TIAM2: variants seen among roughly 807,000 people sequenced by gnomAD.
TIAM2 encodes the protein TIAM Rac1 associated GEF 2.
Under a neutral mutation model 152.9 loss-of-function variants are expected in TIAM2, and 80 were observed. The observed-to-expected ratio is 0.52, with a 90% CI of 0.44 to 0.63. The LOEUF (loss-of-function observed/expected upper bound fraction) is 0.63. TIAM2 is among the 30% of genes least tolerant of loss of function. The pLI is 0.00. For missense variants in TIAM2, 1,965 were observed against 2,120.1 expected (o/e 0.93, Z 1.44); for synonymous variants, 804 against 838.0 (o/e 0.96, Z 0.70).
intron 2 of TIAM2, among the ~76,000 whole-genome samples, chr6:155,115,744 A>G (rs188646220): frequency 7.2e-5 from 11 of 152,260 alleles, no homozygotes; most frequent in African/African-American, 2.2e-4. Flanking sequence ...CTGGAGGCTG[A>G]AGTTATTTTC....
At position 155,248,004 on chromosome 6, in the gene TIAM2, A is replaced by C. The variant is rs1783433150; in HGVS notation, c.3657A>C (p.Lys1219Asn). The change falls in exon 20 of 27, where the codon AAA becomes AAC. Residue 1219 changes from lysine (K) to asparagine (N), a missense_variant. Around this residue, in one of 3 missense-constraint regions of TIAM2, gnomAD observed 935 missense variants for 980.0 expected, o/e 0.95. Coordinates refer to ENST00000682666, the MANE Select transcript of TIAM2 (RefSeq NM_012454.4). ...IKVQKVLERA[K>N]TDKAFKAFLD... ...CTTTTATCCATCTGCTTGTAGCTAA[A>C]ACTGACAAAGCCTTCAAGGCTTTTC... 1 of 1,613,790 alleles carries C rather than the reference A, an allele frequency of 6.2e-7. No homozygotes were observed. Among genetic ancestry groups the C allele is most frequent in the Admixed American group, 1.7e-5 (1 of 59,970 alleles).
rs1554228916 is a variant in TIAM2, at chr6:155,082,666, C to CAATGAATAAATAAATA, written c.-208-7620_-208-7619insGAATAAATAAATAAAT. ...ACTCCATCTCAACCCAAAAAAACCC[C>CAATGAATAAATAAATA]AATAAATAAATAAATAAATAAATAA... On this transcript the variant is annotated intron_variant, in intron 1 of 26. Transcript: ENST00000682666. 2.8e-4 allele frequency among the ~76,000 whole-genome samples: 40 copies of CAATGAATAAATAAATA among 141,376 alleles called. No individual in the cohort carries two copies. In the South Asian group the frequency reaches 9.0e-3, roughly 32 times the overall value. 92.7% of individuals were successfully genotyped at this position (141,376 alleles called of 152,430 possible). A position where few individuals can be genotyped will look rare whatever the true frequency, so the allele number is the denominator to read the frequency against.
chr6:155,085,814 T>C (rs1413234244), intron 1 of TIAM2, among the ~76,000 whole-genome samples: 1 of 152,252 alleles, frequency 6.6e-6, no homozygotes, highest in Admixed American at 6.5e-5. Flanking sequence ...TCAGTCTTGA[T>C]TGATGACTCT....
At chr6:155,152,621 G>C (rs1400641512) in intron 7 of TIAM2, among the ~76,000 whole-genome samples, 1 of 152,200 alleles carries the variant, frequency 6.6e-6, no homozygotes, top group Admixed American at 6.5e-5. Context: ...CCTGAGATGA[G>C]ACTTGTGGAT....
chr6:155,154,769 G>C (rs1319584830), intron 7 of TIAM2, among the ~76,000 whole-genome samples: 1 of 152,122 alleles, frequency 6.6e-6, no homozygotes, highest in Non-Finnish European at 1.5e-5. Context: ...ACTACCAGGG[G>C]TTGCTGTGGG....
intron 1 of TIAM2, among the ~76,000 whole-genome samples, chr6:155,040,680 G>A (rs779534339): frequency 2.0e-5 from 3 of 151,910 alleles, no homozygotes; most frequent in East Asian, 1.9e-4. Context: ...TACCACACCC[G>A]GCTAATTTTT....
At chr6:155,168,205 C>T (rs964350600) in intron 9 of TIAM2, among the ~76,000 whole-genome samples, 5 of 152,098 alleles carry the variant, frequency 3.3e-5, no homozygotes, top group African/African-American at 1.2e-4. Context: ...TCTACCCAAA[C>T]AAACCACTTT....
At chr6:155,056,793 A>G (rs1229266372) in intron 1 of TIAM2, among the ~76,000 whole-genome samples, 1 of 151,868 alleles carries the variant, frequency 6.6e-6, no homozygotes, top group Non-Finnish European at 1.5e-5. Context: ...ATACCTTATT[A>G]TTAACTAAAG....
chr6:155,024,717 G>C (rs1776564744), intron 1 of TIAM2, among the ~76,000 whole-genome samples: 1 of 150,880 alleles, frequency 6.6e-6, no homozygotes. Context: ...TGAAATCATA[G>C]GAGAGCCAAG....
intron 10 of TIAM2, among the ~76,000 whole-genome samples, chr6:155,178,233 T>G (rs188194835): frequency 6.8e-6 from 1 of 147,214 alleles, no homozygotes; most frequent in Non-Finnish European, 1.5e-5. Context: ...AGGCCTGAGA[T>G]AAATTTCTCA....
chr6:155,251,182 G>A (rs191532907), intron 22 of TIAM2, among the ~76,000 whole-genome samples, 161 bp downstream of exon 22: 18 of 152,304 alleles, frequency 1.2e-4, no homozygotes, highest in South Asian at 2.1e-4. Flanking sequence ...TTGAAACTCC[G>A]GCATCGCTCT....
chr6:155,007,459 A>G (rs1778421166), intron 1 of TIAM2, among the ~76,000 whole-genome samples: 1 of 150,040 alleles, frequency 6.7e-6, no homozygotes, highest in Admixed American at 6.7e-5. Flanking sequence ...ATCTCGGCTC[A>G]CTGCAAGCTC....
At chr6:155,219,627 A>T (rs901181) in intron 15 of TIAM2, among the ~76,000 whole-genome samples, 133,435 of 149,984 alleles carry the variant, frequency 0.89, 59,361 homozygotes, top group East Asian at 0.99. Context: ...ATTTTTTTTT[A>T]AAAAATTTCC....
intron 2 of TIAM2, among the ~76,000 whole-genome samples, chr6:155,115,480 C>T (rs973185187): frequency 2.0e-4 from 30 of 152,018 alleles, no homozygotes; most frequent in Non-Finnish European, 1.3e-4. Flanking sequence ...GAGACCCTGT[C>T]TTTACAAACA....
At chr6:155,234,949 G>A (rs528971251) in intron 15 of TIAM2, among the ~76,000 whole-genome samples, 1 of 151,912 alleles carries the variant, frequency 6.6e-6, no homozygotes. Context: ...GGAGTGGCAG[G>A]GGCTGTGCGG....
At chr6:155,015,301 G>T (rs1366457298) in intron 1 of TIAM2, among the ~76,000 whole-genome samples, 4 of 152,136 alleles carry the variant, frequency 2.6e-5, no homozygotes, top group Non-Finnish European at 5.9e-5. Flanking sequence ...TCAAGTCAAG[G>T]AGAGTTTGGG....
intron 1 of TIAM2, among the ~76,000 whole-genome samples, chr6:155,037,946 C>T (rs535699725): frequency 1.3e-5 from 2 of 152,166 alleles, no homozygotes; most frequent in South Asian, 2.1e-4. Context: ...AGTACCTGGT[C>T]GACCCTAAGG....
intron 2 of TIAM2, among the ~76,000 whole-genome samples, chr6:155,114,047 T>A (rs1778946739): frequency 1.4e-3 from 102 of 72,888 alleles, no homozygotes; most frequent in African/African-American, 6.2e-3. Context: ...TTTTTTTTTT[T>A]TTCTTTTTTT....
chr6:155,007,516 A>C (rs565908586), intron 1 of TIAM2, among the ~76,000 whole-genome samples: 7 of 151,980 alleles, frequency 4.6e-5, no homozygotes, highest in African/African-American at 2.4e-5. Context: ...TAAGGAAAAC[A>C]TCTGGTTTCT....
Sources: allele counts gnomAD v4.1 joint callset (sites outside exome capture counted in the v4.1 genomes callset), GRCh38; gene constraint gnomAD v4.1.1; regional missense constraint gnomAD v4.1.1; transcripts MANE v1.5; gene names NCBI Gene and HGNC (gene_info 2026-07-23, HGNC 2026-07-21).